The following CACNA1B variants were observed in gnomAD, a reference collection of about 807,000 sequenced individuals.
CACNA1B encodes voltage-dependent N-type calcium channel subunit alpha-1B.
Under a neutral mutation model 247.2 loss-of-function variants are expected in CACNA1B, and 70 were observed. That is an observed-to-expected ratio of 0.28 (90% confidence interval 0.23 to 0.35). The LOEUF is 0.35. Among genes scored for constraint, CACNA1B ranks in the 10% least tolerant of loss-of-function variants. The probability of loss-of-function intolerance (pLI) is 1.00; values close to 1 mark genes in which losing one functional copy is unlikely to be tolerated. For synonymous variants in CACNA1B, 1,231 were observed against 1,294.4 expected (o/e 0.95, Z 1.05); for missense variants, 2,367 against 3,197.4 (o/e 0.74, Z 6.26).
At chr9:137,960,980 A>G (rs375591140) in intron 10 of CACNA1B, among the ~76,000 whole-genome samples, 24 of 150,904 alleles carry the variant, frequency 1.6e-4, no homozygotes, top group African/African-American at 5.4e-4. Context: ...GTTTTTTTTC[A>G]TGTTTGTTGG....
chr9:138,041,845 C>G (rs1210199662), intron 20 of CACNA1B, among the ~76,000 whole-genome samples: 1 of 152,176 alleles, frequency 6.6e-6, no homozygotes, highest in East Asian at 1.9e-4. Flanking sequence ...ACCTTGAACT[C>G]CTGACCTCAA....
At chr9:137,947,047 A>C (rs1036977108) in intron 6 of CACNA1B, among the ~76,000 whole-genome samples, 1 of 152,182 alleles carries the variant, frequency 6.6e-6, no homozygotes, top group African/African-American at 2.4e-5. Flanking sequence ...CAAGAGTGTT[A>C]GTTACAGAAT....
chr9:138,074,344 G>A (rs1392225826), intron 34 of CACNA1B, among the ~76,000 whole-genome samples: 2 of 151,794 alleles, frequency 1.3e-5, no homozygotes, highest in South Asian at 2.1e-4. Context: ...AGGTTCAAGC[G>A]ATTCTCCTGC....
In CACNA1B at chr9:138,006,039, T is replaced by C. The variant is rs186128465; in HGVS notation, c.1975-728T>C. ...GCCTGGATGACAGAGTAAGACTCCA[T>C]GTCAAAAAAAAAAAAAAAAAAAGAA... is the stretch of plus-strand genomic sequence containing the variant. On this transcript the variant is annotated intron_variant, in intron 15 of 46. Coordinates refer to ENST00000371372, the MANE Select transcript of CACNA1B (RefSeq NM_000718.4). Among the ~76,000 whole-genome samples the C allele has an allele frequency of 6.9e-5, 7 of 102,018 alleles. No homozygotes were observed. In the East Asian group the frequency reaches 2.7e-3, roughly 39 times the overall value. 66.9% of individuals were successfully genotyped at this position (102,018 alleles called of 152,430 possible).
rs1011209541 is a variant in CACNA1B at position 138,059,676 on chromosome 9, A to G, written c.4607A>G (p.Asn1536Ser). 1 of 1,607,010 alleles carries G rather than the reference A, an allele frequency of 6.2e-7. No individual in the cohort carries two copies. Among genetic ancestry groups the G allele is most frequent in the Non-Finnish European group, 8.5e-7 (1 of 1,173,596 alleles). ...GVLNYFRDAW[N>S]VFDFVTVLGS... Reference sequence around the variant, plus strand: ...TAGAACTATTTCAGAGATGCCTGGAATGTCTTTGACTTTGTCACTGTGTTG... The same window carrying G: ...TAGAACTATTTCAGAGATGCCTGGAGTGTCTTTGACTTTGTCACTGTGTTG... Residue 1536 changes from asparagine (N) to serine (S), a missense_variant, in exon 31 of 47, where the codon AAT becomes AGT. By Grantham distance (46) the Asn-to-Ser change is conservative. Coordinates refer to ENST00000371372, the MANE Select transcript of CACNA1B (RefSeq NM_000718.4). This position sits in a 1 kb window ranked among gnomAD's most constrained non-coding sequence, Gnocchi z 4.2.
chr9:138,112,985 C>T (rs1174249738), intron 40 of CACNA1B, among the ~76,000 whole-genome samples: 1 of 149,330 alleles, frequency 6.7e-6, no homozygotes, highest in African/African-American at 2.5e-5. Flanking sequence ...TGCCCAACTG[C>T]ATCTCGTGGG....
At chr9:138,035,646 A>G (rs1193523526) in intron 20 of CACNA1B, among the ~76,000 whole-genome samples, 4 of 151,956 alleles carry the variant, frequency 2.6e-5, no homozygotes, top group Non-Finnish European at 5.9e-5. Flanking sequence ...TTGTCCACTT[A>G]AATGGTTTAT....
At chr9:137,985,463 G>A (rs1439092404) in intron 13 of CACNA1B, among the ~76,000 whole-genome samples, 1 of 152,198 alleles carries the variant, frequency 6.6e-6, no homozygotes, top group African/African-American at 2.4e-5. Flanking sequence ...CCTGTCCTGA[G>A]GCAGGCTGGC....
At chr9:138,066,998 TAAG>T (rs1342651721) in intron 31 of CACNA1B, among the ~76,000 whole-genome samples, 3 of 152,016 alleles carry the variant, frequency 2.0e-5, no homozygotes, top group Non-Finnish European at 2.9e-5. Flanking sequence ...CAAAGAAAAA[TAAG>T]AAGGTAAAAT....
chr9:138,063,577 T>G (rs1364383761), intron 31 of CACNA1B, among the ~76,000 whole-genome samples: 2 of 152,256 alleles, frequency 1.3e-5, no homozygotes, highest in African/African-American at 4.8e-5. Context: ...GAATGTCTGC[T>G]GTGGATACAA....
In CACNA1B at chr9:138,057,582, C is replaced by G; in HGVS notation, c.3969-150C>G. 1 of 671,958 alleles carries G rather than the reference C, an allele frequency of 1.5e-6. No homozygotes were observed. The highest frequency in any genetic ancestry group is 2.5e-6 in the Non-Finnish European group (1 of 408,156). 41.6% of individuals were successfully genotyped at this position (671,958 alleles called of 1,614,324 possible). ...CTATGGAGTAAAGTAGGGTCACATT[C>G]ATTCTTCTGCATGTGGACATCCAGT... On this transcript the variant is annotated intron_variant, in intron 26 of 46. Transcript: ENST00000371372. This position sits in a 1 kb window ranked among gnomAD's most constrained non-coding sequence, Gnocchi z 4.0.
chr9:137,954,425 GA>G lies in CACNA1B; in HGVS notation c.1071-1272del, dbSNP rs1957919995. 6.6e-6 allele frequency among the ~76,000 whole-genome samples: 1 copy of G among 152,228 alleles called. No homozygotes were observed. The highest frequency in any genetic ancestry group is 2.4e-5 in the African/African-American group (1 of 41,470). ...GTCCTGCCTCTTCTCACCCAGCGAG[GA>G]CAGAAGCTCAGGGAGGGCTGGCCCT... On this transcript the variant is annotated intron_variant, in intron 7 of 46. Transcript: ENST00000371372. The surrounding 1 kb of genome is among the most constrained non-coding windows in gnomAD (Gnocchi z 4.1).
chr9:138,070,527 A>G (rs1234402965), intron 32 of CACNA1B, among the ~76,000 whole-genome samples: 2 of 152,274 alleles, frequency 1.3e-5, no homozygotes, highest in Admixed American at 6.5e-5. Flanking sequence ...ATATTTGGTA[A>G]CTGACCCAAC....
chr9:137,945,604 C>T (rs1957786484), intron 6 of CACNA1B, among the ~76,000 whole-genome samples: 2 of 152,230 alleles, frequency 1.3e-5, no homozygotes, highest in African/African-American at 4.8e-5. Flanking sequence ...TGTTCATACA[C>T]AGAATCTCTT....
intron 36 of CACNA1B, among the ~76,000 whole-genome samples, chr9:138,082,412 A>G (rs1960553595): frequency 6.6e-6 from 1 of 151,354 alleles, no homozygotes. Flanking sequence ...TACGGACAGA[A>G]AAAGGAATAT....
chr9:137,956,541 C>A (rs1287759459), intron 8 of CACNA1B, among the ~76,000 whole-genome samples: 1 of 152,000 alleles, frequency 6.6e-6, no homozygotes, highest in African/African-American at 2.4e-5. Flanking sequence ...CCCTGTAATC[C>A]CAGTGGGGAG....
intron 10 of CACNA1B, among the ~76,000 whole-genome samples, chr9:137,969,717 C>T (rs187865762): frequency 1.3e-5 from 2 of 152,290 alleles, no homozygotes; most frequent in Admixed American, 6.5e-5. Context: ...CGTGGTCAGG[C>T]TGGATGTGTG....
intron 3 of CACNA1B, among the ~76,000 whole-genome samples, chr9:137,896,440 A>G (rs897235917): frequency 6.6e-6 from 1 of 152,012 alleles, no homozygotes; most frequent in Non-Finnish European, 1.5e-5. Flanking sequence ...ACAGTGGTTG[A>G]TTTTTTGAGT....
intron 41 of CACNA1B, among the ~76,000 whole-genome samples, chr9:138,115,033 C>T (rs111242414): frequency 2.4e-4 from 36 of 152,296 alleles, no homozygotes; most frequent in Middle Eastern, 6.8e-3. Flanking sequence ...CTTCTGGGGA[C>T]ATTGACCTAG....
Sources: gnomAD v4.1 joint callset for allele counts (sites outside exome capture counted in the v4.1 genomes callset) on GRCh38, gnomAD v4.1.1 for gene constraint, Gnocchi (gnomAD v3.1) non-coding constraint, MANE v1.5 for transcripts, NCBI Gene and HGNC (gene_info 2026-07-23, HGNC 2026-07-21) for gene names.